Variants in TRPM1 observed in about 807,000 individuals in gnomAD.
The protein encoded by TRPM1 is transient receptor potential cation channel subfamily M member 1.
A neutral mutation model predicts 149.4 loss-of-function variants in TRPM1; 113 were observed. The ratio of observed to expected loss-of-function variants is 0.76; its 90% CI spans 0.65 to 0.88. The LOEUF is 0.88. TRPM1 is among the 40% of genes least tolerant of loss of function. TRPM1 has a pLI of 0.00. For missense variants in TRPM1, 1,976 were observed against 2,038.7 expected (o/e 0.97, Z 0.59); for synonymous variants, 741 against 759.5 (o/e 0.98, Z 0.40).
At chr15:31,140,377 TA>T (rs200856663) in intron 1 of TRPM1, among the ~76,000 whole-genome samples, 5,517 of 146,380 alleles carry the variant, frequency 0.038, 358 homozygotes, top group African/African-American at 0.13. Flanking sequence ...AGAATCCGTC[TA>T]AAAAAAAAAA....
intron 1 of TRPM1, among the ~76,000 whole-genome samples, chr15:31,114,322 A>T (rs2035768966): frequency 6.6e-6 from 1 of 152,184 alleles, no homozygotes; most frequent in African/African-American, 2.4e-5. Flanking sequence ...CTCCAGCTTC[A>T]TCCATGTCCC....
At chr15:31,096,883 A>C (rs1240874965) in intron 1 of TRPM1, among the ~76,000 whole-genome samples, 1 of 152,084 alleles carries the variant, frequency 6.6e-6, no homozygotes, top group Non-Finnish European at 1.5e-5. Context: ...GCCCTCAGGG[A>C]CTGTGATGTT....
At chr15:31,125,655 G>A (rs1392201307) in intron 1 of TRPM1, among the ~76,000 whole-genome samples, 1 of 137,484 alleles carries the variant, frequency 7.3e-6, no homozygotes, top group African/African-American at 2.8e-5. Flanking sequence ...GCGTGAACCC[G>A]GGAGGCGGAG....
chr15:31,117,088 G>A (rs549859881), intron 1 of TRPM1, among the ~76,000 whole-genome samples: 10 of 152,280 alleles, frequency 6.6e-5, no homozygotes, highest in South Asian at 2.1e-4. Context: ...GGTGGTTTAC[G>A]CCTGTAATCC....
intron 25 of TRPM1, 65 bp from the exon 26 acceptor site, chr15:31,027,182 C>T: frequency 1.4e-6 from 2 of 1,472,416 alleles, no homozygotes; most frequent in Non-Finnish European, 1.9e-6. Context: ...CCAGAGCAGT[C>T]AAAGTTACTC....
At chr15:31,088,868 C>T (rs1023273583) in intron 1 of TRPM1, among the ~76,000 whole-genome samples, 7 of 39,414 alleles carry the variant, frequency 1.8e-4, no homozygotes, top group Non-Finnish European at 3.3e-4. Flanking sequence ...CGGGTATTGA[C>T]ATTTGGCCCC....
chr15:31,065,920 G>A (rs553932226), intron 7 of TRPM1, among the ~76,000 whole-genome samples, 156 bp downstream of exon 7: 2 of 152,332 alleles, frequency 1.3e-5, no homozygotes, highest in South Asian at 2.1e-4. Flanking sequence ...TTGGTAGGTG[G>A]CTAAGGTAAG....
chr15:31,129,115 C>G (rs2035986855), intron 1 of TRPM1, among the ~76,000 whole-genome samples: 1 of 152,202 alleles, frequency 6.6e-6, no homozygotes. Context: ...GCCTTTGGAG[C>G]TTCGTGTAGC....
chr15:31,124,757 G>T (rs8039270), intron 1 of TRPM1, among the ~76,000 whole-genome samples: 1 of 151,866 alleles, frequency 6.6e-6, no homozygotes, highest in African/African-American at 2.4e-5. Context: ...ATCAGTGAAT[G>T]TCAGGGTTTT....
intron 11 of TRPM1, among the ~76,000 whole-genome samples, chr15:31,052,700 A>G (rs112426277): frequency 0.023 from 3,507 of 152,270 alleles, 125 homozygotes; most frequent in African/African-American, 0.081. Flanking sequence ...CCTTGAACCC[A>G]GGAGGAAGAG....
intron 1 of TRPM1, among the ~76,000 whole-genome samples, chr15:31,144,616 G>A (rs1179773380): frequency 6.6e-6 from 1 of 151,864 alleles, no homozygotes; most frequent in Non-Finnish European, 1.5e-5. Flanking sequence ...TTGATCTTTG[G>A]TATAAATGGG....
At position 31,041,994 on chromosome 15, in the gene TRPM1, C is replaced by T; in HGVS notation, c.2044G>A (p.Asp682Asn). Residue 682 changes from aspartate to asparagine, a missense_variant, in exon 17 of 28, where the codon GAT (aspartate) becomes AAT (asparagine). Around this residue, in one of 3 missense-constraint regions of TRPM1, gnomAD observed 1,332 missense variants for 1,347.1 expected, o/e 0.99. Transcript: ENST00000256552. ...KAMAHESSESDLVDDISQDLD... is the reference protein window; with the variant it reads ...KAMAHESSESNLVDDISQDLD... ...TCCTGGGAGATGTCATCCACCAGAT[C>T]ACTCTCGGAGGACTCGTGGGCCATG... 1 of 1,614,196 alleles carries T rather than the reference C, an allele frequency of 6.2e-7. No homozygotes were observed. The highest frequency in any genetic ancestry group is 8.5e-7 in the Non-Finnish European group (1 of 1,180,034).
intron 1 of TRPM1, among the ~76,000 whole-genome samples, chr15:31,150,369 G>A (rs1204880404): frequency 6.6e-6 from 1 of 152,028 alleles, no homozygotes; most frequent in African/African-American, 2.4e-5. Flanking sequence ...CCCTTAAGAG[G>A]AGAAAAGAAG....
Position 31,070,090 on chromosome 15 carries a change from G to T in TRPM1, c.220C>A (p.Pro74Thr), listed in dbSNP as rs546531970. 6 of 1,613,996 alleles carry T rather than the reference G, an allele frequency of 3.7e-6. No homozygotes were observed. Among genetic ancestry groups the T allele is most frequent in the Non-Finnish European group, 5.1e-6 (6 of 1,180,024 alleles). ...TCAAGAACTCCATAGGAATCTGTTG[G>T]GTAGCTCTGGGTGTGCTTGGCAACA... is the stretch of plus-strand genomic sequence containing the variant. ...WSVAKHTQSY[P>T]TDSYGVLEFQ... is the part of the protein sequence containing the mutation. The change falls in exon 4 of 28, where the codon CCA (proline) becomes ACA (threonine). Residue 74 changes from proline to threonine, a missense_variant. Coordinates refer to ENST00000256552, the MANE Select transcript of TRPM1 (RefSeq NM_001252024.2).
chr15:31,143,010 T>A (rs546543870), intron 1 of TRPM1, among the ~76,000 whole-genome samples: 6 of 152,364 alleles, frequency 3.9e-5, no homozygotes, highest in Non-Finnish European at 8.8e-5. Context: ...ATCCTTTCTA[T>A]AATGGACTCT....
chr15:31,122,424 T>G (rs567156562), intron 1 of TRPM1, among the ~76,000 whole-genome samples: 7 of 152,332 alleles, frequency 4.6e-5, no homozygotes, highest in Non-Finnish European at 7.4e-5. Context: ...TGATGGTTTA[T>G]CTAGAAAATT....
intron 1 of TRPM1, among the ~76,000 whole-genome samples, chr15:31,159,973 C>G (rs1288091606): frequency 6.6e-6 from 1 of 152,134 alleles, no homozygotes; most frequent in Non-Finnish European, 1.5e-5. Context: ...CCAGCCCACA[C>G]AAGGGCTGCA....
At chr15:31,060,441 C>T (rs1216308812) in intron 11 of TRPM1, 103 bp downstream of exon 11, 17 of 948,114 alleles carry the variant, frequency 1.8e-5, no homozygotes, top group Non-Finnish European at 2.7e-5. Context: ...CATCAGAAAC[C>T]CCACATAATT....
intron 1 of TRPM1, among the ~76,000 whole-genome samples, chr15:31,159,035 A>T (rs1170032237): frequency 6.6e-6 from 1 of 152,076 alleles, no homozygotes; most frequent in Non-Finnish European, 1.5e-5. Flanking sequence ...ACTCAAATGG[A>T]GTCGCTCTGG....
Sources: gnomAD v4.1 joint callset for allele counts (sites outside exome capture counted in the v4.1 genomes callset) on GRCh38, gnomAD v4.1.1 for gene constraint, gnomAD v4.1.1 regional missense constraint, MANE v1.5 for transcripts, NCBI Gene and HGNC (gene_info 2026-07-23, HGNC 2026-07-21) for gene names.